RPS6KA5: variants seen among roughly 807,000 people sequenced by gnomAD.
RPS6KA5 encodes the protein ribosomal protein S6 kinase A5, also known as ribosomal protein S6 kinase alpha-5.
Under a neutral mutation model 85.5 loss-of-function variants are expected in RPS6KA5, and 27 were observed. That is an observed-to-expected ratio of 0.32 (90% CI 0.23 to 0.44). The LOEUF (loss-of-function observed/expected upper bound fraction) is 0.44, where lower values mean the gene tolerates loss of function less well. Ranked by LOEUF, RPS6KA5 falls within the 20% of genes least tolerant of loss-of-function variation. The pLI is 1.00. For synonymous variants in RPS6KA5, 334 were observed against 348.2 expected (o/e 0.96, Z 0.46); for missense variants, 811 against 980.9 (o/e 0.83, Z 2.31).
intron 3 of RPS6KA5, among the ~76,000 whole-genome samples, chr14:90,951,135 A>AAAG (rs1555367275): frequency 1.9e-4 from 28 of 146,528 alleles, no homozygotes; most frequent in African/African-American, 4.6e-4. Flanking sequence ...AAAAAAAAAA[A>AAAG]AGAGAGAGAG....
intron 13 of RPS6KA5, among the ~76,000 whole-genome samples, chr14:90,892,592 G>A (rs1566701438): frequency 6.6e-6 from 1 of 152,024 alleles, no homozygotes; most frequent in South Asian, 2.1e-4. Flanking sequence ...TATGGGACAA[G>A]TTTGAAAAAT....
chr14:90,963,605 T>G (rs1303351794), intron 3 of RPS6KA5, among the ~76,000 whole-genome samples: 1 of 152,200 alleles, frequency 6.6e-6, no homozygotes, highest in African/African-American at 2.4e-5. Context: ...TGTTCTAGTT[T>G]CATCTTGTAC....
In RPS6KA5 at chr14:90,872,327, CG is replaced by C; in HGVS notation, c.2161-6del. 1 of 1,589,208 alleles carries C rather than the reference CG, an allele frequency of 6.3e-7. No homozygotes were observed. Among genetic ancestry groups the C allele is most frequent in the Non-Finnish European group, 8.5e-7 (1 of 1,171,964 alleles). On this transcript the variant is annotated splice_polypyrimidine_tract_variant and splice_region_variant and intron_variant, in intron 16 of 16. Transcript: ENST00000614987. ...TCTCTTGTATTTGTTAAAGGCCTGG[CG>C]GGGGAAAAAAAGGGAACCCCTGTGA...
intron 10 of RPS6KA5, 77 bp downstream of exon 10, chr14:90,900,534 A>T: frequency 7.0e-7 from 1 of 1,433,998 alleles, no homozygotes; most frequent in South Asian, 1.4e-5. Flanking sequence ...ACTAGACTTA[A>T]GAACATTAAT....
rs977809196 is a variant in RPS6KA5 at position 90,849,018 on chromosome 14, G to C, written c.*23056C>G. ...ACCGCACTCCAGCCTGGGCAACAGA[G>C]CAAGGCCGCATCTCTAAAAAGTAAT... On this transcript the variant is annotated 3_prime_UTR_variant, in exon 17 of 17. Coordinates refer to ENST00000614987, the MANE Select transcript of RPS6KA5 (RefSeq NM_004755.4). 1 of 152,126 alleles carries C rather than the reference G, an allele frequency of 6.6e-6. No homozygotes were observed. The allele number at this position is 152,126 out of a possible 1,614,324, so 9.4% of individuals were successfully genotyped here.
chr14:91,049,109 C>A (rs571391851), intron 1 of RPS6KA5, among the ~76,000 whole-genome samples: 10 of 152,278 alleles, frequency 6.6e-5, no homozygotes, highest in Admixed American at 5.2e-4. Flanking sequence ...TAAGATGTCA[C>A]CTTCTTTGAC....
intron 1 of RPS6KA5, among the ~76,000 whole-genome samples, chr14:91,043,919 C>G (rs2042697119): frequency 6.6e-6 from 1 of 152,130 alleles, no homozygotes; most frequent in South Asian, 2.1e-4. Flanking sequence ...ATCAACTGAC[C>G]TTACGATAAG....
rs561550772 is a variant in RPS6KA5, at chr14:90,900,459, T to A, written c.1245+152A>T. ...ATTGTAAAAAGAAGTTCATTCAACT[T>A]GACGTTAATTCTCTAGGGAAAATAT... is the stretch of plus-strand genomic sequence containing the variant. On this transcript the variant is annotated intron_variant, in intron 10 of 16. Coordinates refer to ENST00000614987, the MANE Select transcript of RPS6KA5 (RefSeq NM_004755.4). 1.1e-5 allele frequency: 8 copies of A among 746,552 alleles called. No individual in the cohort carries two copies. In the South Asian group the frequency reaches 2.1e-4, roughly 20 times the overall value. The allele number at this position is 746,552 out of a possible 1,614,324, so 46.2% of individuals were successfully genotyped here.
At chr14:91,007,954 T>A (rs188301088) in intron 1 of RPS6KA5, among the ~76,000 whole-genome samples, 69 of 152,342 alleles carry the variant, frequency 4.5e-4, no homozygotes, top group African/African-American at 1.6e-3. Context: ...CTTGGCATGG[T>A]CTTCCAGGAT....
At chr14:90,880,548 A>G (rs1451359380) in intron 14 of RPS6KA5, among the ~76,000 whole-genome samples, 1 of 152,178 alleles carries the variant, frequency 6.6e-6, no homozygotes, top group Non-Finnish European at 1.5e-5. Context: ...TTGCATCCAC[A>G]TTTTAACTCT....
In RPS6KA5 at chr14:90,862,964, A is replaced by G. The variant is rs150100891; in HGVS notation, c.*9110T>C. 1 of 152,230 alleles carries G rather than the reference A, an allele frequency of 6.6e-6. No homozygotes were observed. The highest frequency in any genetic ancestry group is 6.5e-5 in the Admixed American group (1 of 15,276). 9.4% of individuals were successfully genotyped at this position (152,230 alleles called of 1,614,324 possible). A position where few individuals can be genotyped will look rare whatever the true frequency, so the allele number is the denominator to read the frequency against. On this transcript the variant is annotated 3_prime_UTR_variant, in exon 17 of 17. Coordinates refer to ENST00000614987, the MANE Select transcript of RPS6KA5 (RefSeq NM_004755.4). Reference sequence around the variant, plus strand: ...ATTTAGTAAAAACTCTCTGAAAATTAGAAATAAAACAATCTGCTATATGAT... The same window carrying G: ...ATTTAGTAAAAACTCTCTGAAAATTGGAAATAAAACAATCTGCTATATGAT...
At chr14:90,997,381 G>A (rs183995064) in intron 2 of RPS6KA5, among the ~76,000 whole-genome samples, 125 of 152,280 alleles carry the variant, frequency 8.2e-4, no homozygotes, top group African/African-American at 2.9e-3. Context: ...TTATATTCAT[G>A]TATTTGTTTA....
At chr14:90,899,568 T>C in intron 11 of RPS6KA5, 146 bp from the exon 12 acceptor site, 1 of 562,924 alleles carries the variant, frequency 1.8e-6, no homozygotes, top group Non-Finnish European at 3.1e-6. Flanking sequence ...ATGAAAGTAA[T>C]GAATTATACC....
In RPS6KA5 at chr14:91,018,952, T is replaced by A. The variant is rs150173894; in HGVS notation, c.104-17793A>T. Among the ~76,000 whole-genome samples, 76 of 152,046 alleles carry A rather than the reference T, an allele frequency of 5.0e-4. 2 individuals carry two copies. Among genetic ancestry groups the A allele is most frequent in the Middle Eastern group, 6.8e-3 (2 of 294 alleles). ...TCTTAACATGAAACATAAGATGTAT[T>A]AACTAGATATCATAGCATATAAATT... On this transcript the variant is annotated intron_variant, in intron 1 of 16. Coordinates refer to ENST00000614987, the MANE Select transcript of RPS6KA5 (RefSeq NM_004755.4).
intron 2 of RPS6KA5, among the ~76,000 whole-genome samples, chr14:90,980,070 T>C (rs1053054802): frequency 1.3e-5 from 2 of 152,198 alleles, no homozygotes; most frequent in African/African-American, 2.4e-5. Flanking sequence ...CCAATAATTA[T>C]AGGTTGAGAC....
intron 3 of RPS6KA5, among the ~76,000 whole-genome samples, chr14:90,968,657 C>T (rs2039185350): frequency 1.3e-5 from 2 of 152,058 alleles, no homozygotes; most frequent in Non-Finnish European, 2.9e-5. Context: ...ATGCCCTTTG[C>T]AAAGGGCAAA....
rs1241084095 is a variant in RPS6KA5, at chr14:90,869,343, C to T, written c.*2731G>A. ...CACTCAGCCAATCAATTTCAAAATG[C>T]TAATTAACCTCTTTCAGACACACGA... is the stretch of plus-strand genomic sequence containing the variant. On this transcript the variant is annotated 3_prime_UTR_variant, in exon 17 of 17. Coordinates refer to ENST00000614987, the MANE Select transcript of RPS6KA5 (RefSeq NM_004755.4). 2.6e-5 allele frequency: 4 copies of T among 152,142 alleles called. No homozygotes were observed. The highest frequency in any genetic ancestry group is 7.2e-5 in the African/African-American group (3 of 41,432). The allele number at this position is 152,142 out of a possible 1,614,324, so 9.4% of individuals were successfully genotyped here. A position where few individuals can be genotyped will look rare whatever the true frequency, so the allele number is the denominator to read the frequency against.
At chr14:90,875,603 G>A (rs575646102) in intron 14 of RPS6KA5, among the ~76,000 whole-genome samples, 2 of 151,998 alleles carry the variant, frequency 1.3e-5, no homozygotes, top group African/African-American at 2.4e-5. Context: ...ACATGCACAC[G>A]TATGTTTATT....
chr14:90,904,203 C>T (rs2035375728), intron 8 of RPS6KA5, among the ~76,000 whole-genome samples: 1 of 152,118 alleles, frequency 6.6e-6, no homozygotes, highest in Admixed American at 6.6e-5. Flanking sequence ...CCCACCTTGG[C>T]CTCCCGAAGT....
Sources: gnomAD v4.1 joint callset for allele counts (sites outside exome capture counted in the v4.1 genomes callset) on GRCh38, gnomAD v4.1.1 for gene constraint, MANE v1.5 for transcripts, NCBI Gene and HGNC (gene_info 2026-07-23, HGNC 2026-07-21) for gene names.